CYB5R2: variants seen among roughly 807,000 people sequenced by gnomAD.
CYB5R2 encodes the protein cytochrome b5 reductase 2.
In CYB5R2, 35 loss-of-function variants were observed where a neutral mutation model predicts 29.8. The ratio of observed to expected loss-of-function variants is 1.17; its 90% CI spans 0.90 to 1.56. The LOEUF is 1.56. Ranked by LOEUF, CYB5R2 falls within the 40% of genes most tolerant of loss-of-function variation. The pLI is 0.00. For synonymous variants in CYB5R2, 169 were observed against 130.6 expected (o/e 1.29, Z -2.01); for missense variants, 419 against 346.7 (o/e 1.21, Z -1.66).
At chr11:7,672,677 ACTGT>A (rs1416905780) in intron 2 of CYB5R2, 67 bp downstream of exon 2, 43 of 1,589,240 alleles carry the variant, frequency 2.7e-5, no homozygotes, top group African/African-American at 2.7e-4. Flanking sequence ...CCATGAGATG[ACTGT>A]CTGGATGCCC....
intron 8 of CYB5R2, chr11:7,665,913 G>C: frequency 6.5e-7 from 1 of 1,536,050 alleles, no homozygotes; most frequent in Admixed American, 2.0e-5. Context: ...TTGCTCAGTA[G>C]GGTAGCGCCC....
intron 7 of CYB5R2, chr11:7,666,790 G>C (rs566890732): frequency 9.8e-5 from 38 of 389,354 alleles, no homozygotes; most frequent in Non-Finnish European, 1.4e-4. Flanking sequence ...TTCCCATGGA[G>C]CTGCAGTGAC....
intron 4 of CYB5R2, 70 bp downstream of exon 4, chr11:7,669,555 G>A: frequency 7.5e-7 from 1 of 1,327,738 alleles, no homozygotes; most frequent in Non-Finnish European, 1.0e-6. Context: ...AAAAAGCACT[G>A]CCCCTCCACC....
chr11:7,666,584 A>AG, intron 7 of CYB5R2, 34 bp from the exon 8 acceptor site: 1 of 1,507,590 alleles, frequency 6.6e-7, no homozygotes, highest in Non-Finnish European at 9.2e-7. Context: ...AAGCCCCTCC[A>AG]GGGCCATCCT....
intron 3 of CYB5R2, 186 bp downstream of exon 3, chr11:7,672,262 GAAT>G (rs770881965): frequency 1.5e-5 from 9 of 580,804 alleles, no homozygotes; most frequent in Non-Finnish European, 2.5e-5. Context: ...AGCCCAATTG[GAAT>G]AATGAAGAAA....
intron 8 of CYB5R2, chr11:7,665,820 G>T (rs1565148327): frequency 7.8e-6 from 12 of 1,529,532 alleles, no homozygotes; most frequent in Non-Finnish European, 1.1e-5. Flanking sequence ...AACACAACGA[G>T]GTATACCGAG....
upstream of CYB5R2, chr11:7,673,934 C>T (rs959311765): frequency 5.0e-6 from 5 of 1,000,760 alleles, no homozygotes; most frequent in South Asian, 1.3e-4. Context: ...GGGCCGTGGT[C>T]GGGGGGCTCT....
At chr11:7,669,547 A>ACT in intron 4 of CYB5R2, 78 bp downstream of exon 4, 1 of 1,302,234 alleles carries the variant, frequency 7.7e-7, no homozygotes, top group East Asian at 2.3e-5. Context: ...CCTCAGAGAA[A>ACT]AAGCACTGCC....
At chr11:7,667,550 A>C in intron 7 of CYB5R2, 178 bp downstream of exon 7, 1 of 611,310 alleles carries the variant, frequency 1.6e-6, no homozygotes, top group Non-Finnish European at 2.9e-6. Flanking sequence ...AAATACATGC[A>C]AAAAGCAGGC....
chr11:7,672,511 T>C lies in CYB5R2; in HGVS notation c.91A>G (p.Asn31Asp), dbSNP rs1450582832. ...PLIEKEKISHNTRRFRFGLPS... is the reference protein window; with the variant it reads ...PLIEKEKISHDTRRFRFGLPS... Reference sequence around the variant, plus strand: ...AGTCCAAAGCGGAACCTCCGGGTGTTGTGGCTGATTTTCTGATAAAACAAA... The same window carrying C: ...AGTCCAAAGCGGAACCTCCGGGTGTCGTGGCTGATTTTCTGATAAAACAAA... The change falls in exon 3 of 9, where the codon AAC (asparagine) becomes GAC (aspartate). Residue 31 changes from asparagine (N) to aspartate (D), a missense_variant. Coordinates refer to ENST00000299498, the MANE Select transcript of CYB5R2 (RefSeq NM_016229.5). 18 of 1,614,114 alleles carry C rather than the reference T, an allele frequency of 1.1e-5. No individual in the cohort carries two copies. The South Asian group carries it at 1.3e-4, about 12-fold the overall frequency.
rs771580278 is a variant in CYB5R2, at chr11:7,669,589, A to C, written c.258+36T>G. The C allele has an allele frequency of 3.3e-6, 5 of 1,503,344 alleles. No individual in the cohort carries two copies. In the East Asian group the frequency reaches 1.1e-4, roughly 34 times the overall value. The allele number at this position is 1,503,344 out of a possible 1,614,324, so 93.1% of individuals were successfully genotyped here. On this transcript the variant is annotated intron_variant, in intron 4 of 8. Coordinates refer to ENST00000299498, the MANE Select transcript of CYB5R2 (RefSeq NM_016229.5). ...CCCCACCACCCTCAGTAGGCTTGGA[A>C]GCACGAGCTAGCCAGATATGGTGGG...
rs193208545 is a variant in CYB5R2, at chr11:7,672,797, G to A, written c.29C>T (p.Thr10Ile). Reference sequence around the variant, plus strand: ...GTACTTGGCTTCAGGGTCCTGTAAGGTGATTGGCTCTCTCCTCCTGGAGTT... The same window carrying A: ...GTACTTGGCTTCAGGGTCCTGTAAGATGATTGGCTCTCTCCTCCTGGAGTT... The part of the protein sequence containing the change: MNSRRREPI[T>I]LQDPEAKYPL... Residue 10 changes from threonine (T) to isoleucine (I), a missense_variant, in exon 2 of 9, where the codon ACC becomes ATC. Coordinates refer to ENST00000299498, the MANE Select transcript of CYB5R2 (RefSeq NM_016229.5). The A allele has an allele frequency of 1.2e-6, 2 of 1,614,162 alleles. No homozygotes were observed. Among genetic ancestry groups the A allele is most frequent in the East Asian group, 2.2e-5 (1 of 44,874 alleles).
Position 7,666,253 on chromosome 11 carries a change from G to A in CYB5R2, c.658+198C>T, listed in dbSNP as rs141392068. On this transcript the variant is annotated intron_variant, in intron 8 of 8. Transcript: ENST00000299498. Reference sequence around the variant, plus strand: ...GCTGATGTATTAGACACCTGCTCTCGATTGCCCTTAAAAGCAGGCCATCCC... The same window carrying A: ...GCTGATGTATTAGACACCTGCTCTCAATTGCCCTTAAAAGCAGGCCATCCC... 226 of 595,854 alleles carry A rather than the reference G, an allele frequency of 3.8e-4. 1 individual carries two copies. The highest frequency in any genetic ancestry group is 1.3e-3 in the Middle Eastern group (3 of 2,250). 36.9% of individuals were successfully genotyped at this position (595,854 alleles called of 1,614,324 possible).
At chr11:7,666,849 A>T in intron 7 of CYB5R2, 1 of 214,760 alleles carries the variant, frequency 4.7e-6, no homozygotes, top group South Asian at 8.6e-5. Flanking sequence ...GGATGGCTTC[A>T]CTCGGAGCTC....
rs752673306 is a variant in CYB5R2 at position 7,667,690 on chromosome 11, C to T, written c.558+38G>A. ...GAAAACAAGAGCCCAGCTCAGCAAA[C>T]ATTCCATCCTACCACTGCAAGCTCA... On this transcript the variant is annotated intron_variant, in intron 7 of 8. Transcript: ENST00000299498. The T allele has an allele frequency of 5.8e-6, 9 of 1,547,162 alleles. No individual in the cohort carries two copies. The African/African-American group carries it at 1.1e-4, about 19-fold the overall frequency.
rs569134847 is a variant in CYB5R2, at chr11:7,665,308, GTGAAATTGAACTTACTCTGAAACAGA to G, written c.*40_*65del. The stretch of plus-strand genomic sequence containing the variant: ...TTTGAAAACATCCCAGTTTACCGTG[GTGAAATTGAACTTACTCTGAAACAGA>G]TGAAAAGGGACATGCAAAATTGCTG... On this transcript the variant is annotated 3_prime_UTR_variant, in exon 9 of 9. Transcript: ENST00000299498. 1.9e-4 allele frequency: 247 copies of G among 1,322,884 alleles called. 1 individual carries two copies. The African/African-American group carries it at 3.2e-3, about 17-fold the overall frequency. The allele number at this position is 1,322,884 out of a possible 1,614,324, so 81.9% of individuals were successfully genotyped here.
At chr11:7,667,508 C>G in intron 7 of CYB5R2, 1 of 511,504 alleles carries the variant, frequency 2.0e-6, no homozygotes, top group African/African-American at 1.9e-5. Flanking sequence ...ATGCTTAGTG[C>G]TTAGGGCTGG....
At chr11:7,668,858 G>A (rs890674020) in intron 5 of CYB5R2, 2 of 576,098 alleles carry the variant, frequency 3.5e-6, no homozygotes, top group Non-Finnish European at 6.2e-6. Context: ...ACTCACGGAG[G>A]TGAACCAGTG....
intron 3 of CYB5R2, chr11:7,672,242 C>T (rs1565157004): frequency 1.8e-6 from 1 of 562,726 alleles, no homozygotes; most frequent in South Asian, 2.4e-5. Context: ...TGAGGTACCA[C>T]TCTCGTGTCA....
Sources: gnomAD v4.1 joint callset for allele counts on GRCh38, gnomAD v4.1.1 for gene constraint, MANE v1.5 for transcripts, NCBI Gene and HGNC (gene_info 2026-07-23, HGNC 2026-07-21) for gene names.